The following SYTL2 variants were observed in gnomAD, a reference collection of about 807,000 sequenced individuals.
SYTL2 encodes the protein synaptotagmin-like protein 2.
Under a neutral mutation model 198.7 loss-of-function variants are expected in SYTL2, and 165 were observed. The observed-to-expected ratio is 0.83, with a 90% CI of 0.73 to 0.94. SYTL2 has a LOEUF of 0.94. Among genes scored for constraint, SYTL2 ranks in the 40% least tolerant of loss-of-function variants. SYTL2 has a pLI of 0.00. For synonymous variants in SYTL2, 966 were observed against 917.7 expected, an observed-to-expected ratio of 1.05 and a Z score of -0.95; for missense variants, 2,835 against 2,582.8, an observed-to-expected ratio of 1.10 and a Z score of -2.12.
intron 1 of SYTL2, among the ~76,000 whole-genome samples, chr11:85,805,034 A>G (rs2092939784): frequency 6.6e-6 from 1 of 152,188 alleles, no homozygotes; most frequent in Non-Finnish European, 1.5e-5. Flanking sequence ...TTAATCCTCT[A>G]AACAATCTTG....
intron 5 of SYTL2, among the ~76,000 whole-genome samples, chr11:85,736,950 C>G (rs550065047): frequency 6.6e-6 from 1 of 152,312 alleles, no homozygotes; most frequent in South Asian, 2.1e-4. Context: ...GGTCTCTAAT[C>G]AGGTCAGAGT....
chr11:85,698,708 T>C (rs2083794434), intron 17 of SYTL2, among the ~76,000 whole-genome samples: 7 of 152,258 alleles, frequency 4.6e-5, no homozygotes, highest in Admixed American at 4.6e-4. Flanking sequence ...CTTGGCTAAT[T>C]TTTAAATTTT....
At chr11:85,818,267 T>C in the SYTL2 span, among the ~76,000 whole-genome samples, 1 of 152,240 alleles carries the variant, frequency 6.6e-6, no homozygotes, top group East Asian at 1.9e-4. Context: ...GACATACACA[T>C]GAAACATAAT....
chr11:85,701,071 T>G (rs2084223506), intron 16 of SYTL2, among the ~76,000 whole-genome samples: 1 of 152,218 alleles, frequency 6.6e-6, no homozygotes, highest in Non-Finnish European at 1.5e-5. Flanking sequence ...GCCAAATGCA[T>G]AGAAGTCTGT....
At chr11:85,709,719 G>T (rs1220162747) in intron 13 of SYTL2, among the ~76,000 whole-genome samples, 1 of 152,182 alleles carries the variant, frequency 6.6e-6, no homozygotes, top group Non-Finnish European at 1.5e-5. Flanking sequence ...GTCTCACTCT[G>T]TTGCCCAGGA....
intron 1 of SYTL2, among the ~76,000 whole-genome samples, chr11:85,783,344 C>A (rs1213113114): frequency 3.3e-5 from 5 of 152,086 alleles, no homozygotes; most frequent in Admixed American, 2.6e-4. Context: ...GAGGTAACCA[C>A]CCCCATGATT....
At chr11:85,848,845 G>A in the SYTL2 span, among the ~76,000 whole-genome samples, 23 of 152,248 alleles carry the variant, frequency 1.5e-4, no homozygotes, top group Non-Finnish European at 5.9e-5. Flanking sequence ...AGAAAACAAA[G>A]AGATCATAAG....
At chr11:85,847,472 G>T in the SYTL2 span, among the ~76,000 whole-genome samples, 1 of 150,844 alleles carries the variant, frequency 6.6e-6, no homozygotes, top group African/African-American at 2.4e-5. Context: ...ATTTTCATTT[G>T]TCTTGAATAA....
chr11:85,782,251 A>C (rs551552534), intron 1 of SYTL2, among the ~76,000 whole-genome samples: 1 of 152,260 alleles, frequency 6.6e-6, no homozygotes, highest in African/African-American at 2.4e-5. Flanking sequence ...TGAAGTAACA[A>C]CTTGAGCTGT....
intron 16 of SYTL2, among the ~76,000 whole-genome samples, chr11:85,702,878 C>T (rs1027788787): frequency 6.6e-5 from 10 of 152,172 alleles, no homozygotes; most frequent in Admixed American, 3.9e-4. Context: ...TAAGTACATA[C>T]ATTAAATAAC....
At chr11:85,717,644 C>T in intron 10 of SYTL2, 114 bp from the exon 11 acceptor site, 1 of 872,804 alleles carries the variant, frequency 1.1e-6, no homozygotes. Flanking sequence ...ATACATCTGA[C>T]AGGTTTTCAT....
chr11:85,720,996 C>CT, intron 8 of SYTL2, 37 bp from the exon 9 acceptor site: 1 of 1,195,476 alleles, frequency 8.4e-7, no homozygotes, highest in African/African-American at 1.6e-5. Context: ...CTGCACAATA[C>CT]CAAAAAAAAA....
intron 16 of SYTL2, among the ~76,000 whole-genome samples, chr11:85,702,597 T>C (rs973990643): frequency 1.3e-5 from 2 of 152,196 alleles, no homozygotes; most frequent in African/African-American, 4.8e-5. Flanking sequence ...CCTAGGAATA[T>C]AAGCAAACAA....
chr11:85,722,364 T>C (rs1036559230), intron 8 of SYTL2, among the ~76,000 whole-genome samples: 24 of 152,016 alleles, frequency 1.6e-4, no homozygotes, highest in Non-Finnish European at 2.5e-4. Context: ...TTAGTAGAGA[T>C]GGGGTTTCAC....
At chr11:85,797,856 G>C (rs2092826708) in intron 1 of SYTL2, among the ~76,000 whole-genome samples, 1 of 151,536 alleles carries the variant, frequency 6.6e-6, no homozygotes, top group Admixed American at 6.6e-5. Flanking sequence ...TGTTGTTGTT[G>C]TTGTTCTTGC....
Position 85,724,873 on chromosome 11 carries a change from G to T in SYTL2, c.4485C>A (p.Leu1495=). The T allele has an allele frequency of 6.2e-7, 1 of 1,614,058 alleles. No individual in the cohort carries two copies. Residue 1495 remains leucine, a synonymous_variant, in exon 8 of 20, where the codon CTC becomes CTA. Coordinates refer to ENST00000359152, the MANE Select transcript of SYTL2 (RefSeq NM_206927.4). ...GTTTTTCTAAGCCAGCACTGAATTCGAGGAACTCTGATTTGGGTTGAACAA... is the reference window on the plus strand; with the variant it reads ...GTTTTTCTAAGCCAGCACTGAATTCTAGGAACTCTGATTTGGGTTGAACAA... ...ETIVQPKSEF[L]EFSAGLEKLL...
rs1398174467 is a variant in SYTL2 at position 85,737,590 on chromosome 11, A to G, written c.456T>C (p.Asn152=). The G allele has an allele frequency of 6.2e-7, 1 of 1,613,850 alleles. No individual in the cohort carries two copies. The highest frequency in any genetic ancestry group is 8.5e-7 in the Non-Finnish European group (1 of 1,179,724). ...CTCAGTCTACCTTCTCTGGAGACACATTTGGTTTCCTTGTGTTTTCCTGGG... is the reference window on the plus strand; with the variant it reads ...CTCAGTCTACCTTCTCTGGAGACACGTTTGGTTTCCTTGTGTTTTCCTGGG... ...DMSQENTRKP[N]VSPEKQRKNP... is the part of the protein sequence containing the mutation. The change falls in exon 5 of 20, where the codon AAT becomes AAC. Residue 152 remains asparagine, a synonymous_variant. Coordinates refer to ENST00000359152, the MANE Select transcript of SYTL2 (RefSeq NM_206927.4).
the SYTL2 span, among the ~76,000 whole-genome samples, chr11:85,826,460 G>T: frequency 6.6e-6 from 1 of 152,216 alleles, no homozygotes; most frequent in Non-Finnish European, 1.5e-5. Flanking sequence ...ATGTGTATGT[G>T]AGCAAAGGTT....
Position 85,757,788 on chromosome 11 carries a change from A to C in SYTL2, c.-63T>G, listed in dbSNP as rs1444557453. On this transcript the variant is annotated 5_prime_UTR_variant, in exon 2 of 20. Coordinates refer to ENST00000359152, the MANE Select transcript of SYTL2 (RefSeq NM_206927.4). Reference sequence around the variant, plus strand: ...GGCTCAAAATTCTCAGGGCTGAACAACTAAGACTGCAACCAGGAAGATTAA... The same window carrying C: ...GGCTCAAAATTCTCAGGGCTGAACACCTAAGACTGCAACCAGGAAGATTAA... The C allele has an allele frequency of 1.3e-6, 2 of 1,594,304 alleles. No homozygotes were observed. Among genetic ancestry groups the C allele is most frequent in the East Asian group, 2.2e-5 (1 of 44,742 alleles).
Sources: gnomAD v4.1 joint callset for allele counts (sites outside exome capture counted in the v4.1 genomes callset) on GRCh38, gnomAD v4.1.1 for gene constraint, MANE v1.5 for transcripts, NCBI Gene and HGNC (gene_info 2026-07-23, HGNC 2026-07-21) for gene names.